SLC35F1: variants seen among roughly 807,000 people sequenced by gnomAD.
SLC35F1 encodes the protein solute carrier family 35 member F1.
SLC35F1 carries 14 observed loss-of-function variants against 48.7 expected under a neutral mutation model. That is an observed-to-expected ratio of 0.29 (90% CI 0.19 to 0.45). SLC35F1 has a LOEUF of 0.45. Ranked by LOEUF, SLC35F1 falls within the 20% of genes least tolerant of loss-of-function variation. SLC35F1 has a pLI of 1.00. For missense variants in SLC35F1, 404 were observed against 500.0 expected, an observed-to-expected ratio of 0.81 and a Z score of 1.83; for synonymous variants, 190 against 202.2, an observed-to-expected ratio of 0.94 and a Z score of 0.51.
At chr6:118,233,538 T>C (rs1775323646) in intron 2 of SLC35F1, among the ~76,000 whole-genome samples, 1 of 152,210 alleles carries the variant, frequency 6.6e-6, no homozygotes, top group South Asian at 2.1e-4. Flanking sequence ...ATTTCACTTT[T>C]TTTTTGTTTT....
chr6:118,125,346 A>G (rs1394215008), intron 1 of SLC35F1, among the ~76,000 whole-genome samples: 1 of 139,040 alleles, frequency 7.2e-6, no homozygotes, highest in African/African-American at 2.7e-5. Context: ...AAAATTGTGA[A>G]CGCTTGGTTT....
intron 1 of SLC35F1, among the ~76,000 whole-genome samples, chr6:118,121,251 A>G (rs1773549560): frequency 6.6e-6 from 1 of 152,176 alleles, no homozygotes; most frequent in African/African-American, 2.4e-5. Context: ...ACAAGTTAGA[A>G]TCTGTGGTAC....
At chr6:118,129,037 G>A (rs898241689) in intron 1 of SLC35F1, among the ~76,000 whole-genome samples, 1 of 152,092 alleles carries the variant, frequency 6.6e-6, no homozygotes, top group African/African-American at 2.4e-5. Flanking sequence ...TTTATTGAGT[G>A]TCCCCTATGT....
chr6:118,097,454 T>G (rs542391282), intron 1 of SLC35F1, among the ~76,000 whole-genome samples: 252 of 152,242 alleles, frequency 1.7e-3, no homozygotes, highest in African/African-American at 5.9e-3. Context: ...TTTTCCTCCT[T>G]ATTTTGAAGG....
chr6:118,209,475 C>CTTTACATTGT (rs1363051643), intron 2 of SLC35F1, among the ~76,000 whole-genome samples: 5 of 152,212 alleles, frequency 3.3e-5, no homozygotes, highest in African/African-American at 1.2e-4. Context: ...TTGTAGGCAT[C>CTTTACATTGT]TTTACATTGT....
chr6:117,915,534 T>G (rs1418840617), intron 1 of SLC35F1, among the ~76,000 whole-genome samples: 1 of 152,052 alleles, frequency 6.6e-6, no homozygotes, highest in African/African-American at 2.4e-5. Flanking sequence ...GAGCCGTTCA[T>G]GGAAGTAAGA....
chr6:118,096,048 T>A lies in SLC35F1; in HGVS notation c.174-58397T>A, dbSNP rs73514526. Among the ~76,000 whole-genome samples, 735 of 152,270 alleles carry A rather than the reference T, an allele frequency of 4.8e-3. 5 individuals are homozygous for A. Among genetic ancestry groups the A allele is most frequent in the African/African-American group, 0.017 (695 of 41,552 alleles). Reference sequence around the variant, plus strand: ...GAGGCATAATATGGTGACTCTATACTCTCTCCAAAATGGGGAAAAGAAAAT... The same window carrying A: ...GAGGCATAATATGGTGACTCTATACACTCTCCAAAATGGGGAAAAGAAAAT... On this transcript the variant is annotated intron_variant, in intron 1 of 7. Coordinates refer to ENST00000360388, the MANE Select transcript of SLC35F1 (RefSeq NM_001029858.4).
chr6:118,288,707 C>T (rs528968644), intron 7 of SLC35F1, among the ~76,000 whole-genome samples: 148 of 152,244 alleles, frequency 9.7e-4, no homozygotes, highest in African/African-American at 3.5e-3. Context: ...GTGAGGCATG[C>T]CCAACTCCCC....
chr6:118,120,054 C>T (rs1055224203), intron 1 of SLC35F1, among the ~76,000 whole-genome samples: 22 of 152,150 alleles, frequency 1.4e-4, no homozygotes, highest in African/African-American at 5.3e-4. Flanking sequence ...CCAATATAAA[C>T]ACACAGATGG....
intron 1 of SLC35F1, among the ~76,000 whole-genome samples, chr6:118,066,684 A>C (rs1772618697): frequency 6.6e-6 from 1 of 152,156 alleles, no homozygotes; most frequent in South Asian, 2.1e-4. Flanking sequence ...AGACTAATAC[A>C]AAAACCAAGG....
At chr6:118,246,224 C>A (rs1221841701) in intron 3 of SLC35F1, among the ~76,000 whole-genome samples, 1 of 152,150 alleles carries the variant, frequency 6.6e-6, no homozygotes, top group Non-Finnish European at 1.5e-5. Context: ...CAAGATGCTT[C>A]CTTGCTAAAG....
chr6:118,214,427 G>A (rs913181951), intron 2 of SLC35F1, among the ~76,000 whole-genome samples: 19 of 152,124 alleles, frequency 1.2e-4, no homozygotes, highest in African/African-American at 4.3e-4. Flanking sequence ...CACTTTAAAA[G>A]AGAATTATTC....
chr6:117,970,824 A>G lies in SLC35F1; in HGVS notation c.173+62925A>G, dbSNP rs550151856. ...GGGGAAGACTCGCCCCTATGTTTCAATTAGTTCCTACTGGGTCCCTTTCAC... is the reference window on the plus strand; with the variant it reads ...GGGGAAGACTCGCCCCTATGTTTCAGTTAGTTCCTACTGGGTCCCTTTCAC... On this transcript the variant is annotated intron_variant, in intron 1 of 7. Coordinates refer to ENST00000360388, the MANE Select transcript of SLC35F1 (RefSeq NM_001029858.4). Among the ~76,000 whole-genome samples the G allele has an allele frequency of 5.9e-5, 9 of 152,270 alleles. No homozygotes were observed. The South Asian group carries it at 6.2e-4, about 11-fold the overall frequency.
chr6:117,950,808 A>AC (rs1234474775), intron 1 of SLC35F1, among the ~76,000 whole-genome samples: 1 of 152,202 alleles, frequency 6.6e-6, no homozygotes, highest in Non-Finnish European at 1.5e-5. Context: ...GCAGTGTTGG[A>AC]ATTATAATTC....
intron 1 of SLC35F1, among the ~76,000 whole-genome samples, chr6:118,094,239 C>A (rs577577111): frequency 6.6e-6 from 1 of 152,200 alleles, no homozygotes; most frequent in East Asian, 1.9e-4. Flanking sequence ...AGAGGGCTGG[C>A]ACTGATCATA....
intron 1 of SLC35F1, among the ~76,000 whole-genome samples, chr6:118,086,924 C>T (rs1258054949): frequency 6.6e-6 from 1 of 152,170 alleles, no homozygotes; most frequent in East Asian, 1.9e-4. Context: ...TCATGCCTGC[C>T]TTTATTCTGA....
intron 1 of SLC35F1, among the ~76,000 whole-genome samples, chr6:118,044,915 A>G (rs1490542774): frequency 6.6e-6 from 1 of 152,126 alleles, no homozygotes; most frequent in Non-Finnish European, 1.5e-5. Context: ...GGGAGAGGGA[A>G]TTAGAAACAA....
At chr6:118,071,118 C>CAT (rs145561611) in intron 1 of SLC35F1, among the ~76,000 whole-genome samples, 13,605 of 43,946 alleles carry the variant, frequency 0.31, 3,793 homozygotes, top group East Asian at 0.69. Context: ...TATATATATA[C>CAT]ATATATACAT....
At chr6:117,947,225 C>A (rs1776306031) in intron 1 of SLC35F1, among the ~76,000 whole-genome samples, 1 of 152,018 alleles carries the variant, frequency 6.6e-6, no homozygotes, top group African/African-American at 2.4e-5. Context: ...GAAGAGCTTC[C>A]CAGACAGAAG....
Sources: gnomAD v4.1 joint callset for allele counts (sites outside exome capture counted in the v4.1 genomes callset) on GRCh38, gnomAD v4.1.1 for gene constraint, MANE v1.5 for transcripts, NCBI Gene and HGNC (gene_info 2026-07-23, HGNC 2026-07-21) for gene names.